Variants in XRCC5 observed in about 807,000 individuals in gnomAD.
XRCC5 encodes the protein DNA repair protein Ku80.
In XRCC5, 12 loss-of-function variants were observed where a neutral mutation model predicts 95.7. The observed-to-expected ratio is 0.13, with a 90% CI of 0.08 to 0.20. The LOEUF is 0.20. Ranked by LOEUF, XRCC5 falls within the 10% of genes least tolerant of loss-of-function variation. The pLI is 1.00. For synonymous variants in XRCC5, 281 were observed against 290.3 expected, an observed-to-expected ratio of 0.97 and a Z score of 0.33; for missense variants, 595 against 873.9, an observed-to-expected ratio of 0.68 and a Z score of 4.02.
chr2:216,159,384 C>A (rs207911), intron 14 of XRCC5, among the ~76,000 whole-genome samples: 38,830 of 152,142 alleles, frequency 0.26, 6,103 homozygotes, highest in Non-Finnish European at 0.36. Context: ...TTGCTTGAGG[C>A]AAGATGTTTG....
intron 6 of XRCC5, 44 bp from the exon 7 acceptor site, chr2:216,125,873 C>T (rs1250509285): frequency 4.1e-6 from 6 of 1,472,774 alleles, no homozygotes; most frequent in African/African-American, 1.4e-5. Flanking sequence ...CACAAGTTAA[C>T]ATTTAAAAAT....
intron 10 of XRCC5, among the ~76,000 whole-genome samples, 188 bp downstream of exon 10, chr2:216,132,575 C>A (rs1445613599): frequency 6.6e-6 from 1 of 152,074 alleles, no homozygotes; most frequent in Non-Finnish European, 1.5e-5. Flanking sequence ...AGCACAAGAC[C>A]CGAGGACATG....
At chr2:216,132,268 C>T in intron 9 of XRCC5, 57 bp from the exon 10 acceptor site, 1 of 1,533,436 alleles carries the variant, frequency 6.5e-7, no homozygotes, top group Non-Finnish European at 9.0e-7. Context: ...CAATGTGTGT[C>T]ATGGTTATAC....
In XRCC5 at chr2:216,192,714, T is replaced by C. The variant is rs760113257; in HGVS notation, c.2020T>C (p.Phe674Leu). Residue 674 changes from phenylalanine to leucine, a missense_variant, in exon 18 of 21, where the codon TTC (phenylalanine) becomes CTC (leucine). Physicochemically the swap from Phe to Leu is conservative, Grantham distance 22 (BLOSUM62 0). Around this residue, in one of 2 missense-constraint regions of XRCC5, gnomAD observed 309 missense variants for 382.9 expected, o/e 0.81. Coordinates refer to ENST00000392132, the MANE Select transcript of XRCC5 (RefSeq NM_021141.4). ...EKVEIKQLNH[F>L]WEIVVQDGIT... ...AGTGGAAATTAAACAATTAAATCAT[T>C]TCTGGGAAATTGTTGTCCAGGGTAA... 2 of 1,594,496 alleles carry C rather than the reference T, an allele frequency of 1.3e-6. No homozygotes were observed. The highest frequency in any genetic ancestry group is 1.7e-5 in the Admixed American group (1 of 58,068).
intron 16 of XRCC5, among the ~76,000 whole-genome samples, chr2:216,168,117 C>G (rs1298400196): frequency 1.3e-5 from 2 of 152,164 alleles, no homozygotes; most frequent in Admixed American, 6.5e-5. Flanking sequence ...AGAATACTTG[C>G]TGAAAGGGTG....
At chr2:216,152,881 A>C (rs1688770899) in intron 14 of XRCC5, among the ~76,000 whole-genome samples, 1 of 151,884 alleles carries the variant, frequency 6.6e-6, no homozygotes, top group Non-Finnish European at 1.5e-5. Context: ...TTTCTGCTTC[A>C]TCTGGTACCT....
In XRCC5 at chr2:216,127,576, A is replaced by C. The variant is rs1696918427; in HGVS notation, c.839A>C (p.Asp280Ala). 6.2e-7 allele frequency: 1 copy of C among 1,612,118 alleles called. No individual in the cohort carries two copies. Among genetic ancestry groups the C allele is most frequent in the Admixed American group, 1.7e-5 (1 of 59,570 alleles). Residue 280 changes from aspartate (D) to alanine (A), a missense_variant, in exon 8 of 21, where the codon GAT (aspartate) becomes GCT (alanine). By Grantham distance (126) the Asp-to-Ala change is moderately radical (BLOSUM62 -2). Transcript: ENST00000392132. ...GTTAAAAAGACTTGGACAGTTGTGG[A>C]TGCAAAAACCCTAAAAAAAGAAGAT... ...ERVKKTWTVV[D>A]AKTLKKEDIQ... is the part of the protein sequence containing the mutation.
intron 14 of XRCC5, among the ~76,000 whole-genome samples, chr2:216,152,988 A>T (rs1574468498): frequency 6.6e-6 from 1 of 152,126 alleles, no homozygotes; most frequent in Non-Finnish European, 1.5e-5. Flanking sequence ...TCTTTCATTT[A>T]ACACAAAATA....
At position 216,123,128 on chromosome 2, in the gene XRCC5, C is replaced by A. The variant is rs968592220; in HGVS notation, c.683+875C>A. Among the ~76,000 whole-genome samples the A allele has an allele frequency of 6.6e-4, 101 of 152,266 alleles. 1 individual carries two copies. Among genetic ancestry groups the A allele is most frequent in the African/African-American group, 2.0e-3 (83 of 41,542 alleles). Reference sequence around the variant, plus strand: ...CTTGATATTCTTGAATTATTTCCAGCTTATCAGTCTGTACACAAAATACTG... The same window carrying A: ...CTTGATATTCTTGAATTATTTCCAGATTATCAGTCTGTACACAAAATACTG... On this transcript the variant is annotated intron_variant, in intron 6 of 20. Transcript: ENST00000392132.
chr2:216,198,155 T>G (rs1274327062), intron 19 of XRCC5, among the ~76,000 whole-genome samples: 1 of 152,206 alleles, frequency 6.6e-6, no homozygotes, highest in African/African-American at 2.4e-5. Context: ...AGCAAGAGGA[T>G]TAAAATGCAC....
chr2:216,133,166 G>A (rs972914525), intron 10 of XRCC5, among the ~76,000 whole-genome samples: 1 of 152,088 alleles, frequency 6.6e-6, no homozygotes, highest in Non-Finnish European at 1.5e-5. Flanking sequence ...AACAGTTAAG[G>A]GAAGAAAATG....
chr2:216,146,462 T>C lies in XRCC5; in HGVS notation c.1477-1621T>C, dbSNP rs572223842. Among the ~76,000 whole-genome samples, 5 of 148,654 alleles carry C rather than the reference T, an allele frequency of 3.4e-5. No individual in the cohort carries two copies. The South Asian group carries it at 1.0e-3, about 31-fold the overall frequency. ...TGTGATAGGAGCAGTATTTTGAAAT[T>C]ACAGGAGCTCTTCAGCTCCCTGGTG... On this transcript the variant is annotated intron_variant, in intron 13 of 20. Coordinates refer to ENST00000392132, the MANE Select transcript of XRCC5 (RefSeq NM_021141.4).
rs1221814684 is a variant in XRCC5 at position 216,190,860 on chromosome 2, C to T, written c.1944+526C>T. 3.3e-5 allele frequency among the ~76,000 whole-genome samples: 5 copies of T among 152,158 alleles called. No homozygotes were observed. The South Asian group carries it at 1.0e-3, about 31-fold the overall frequency. On this transcript the variant is annotated intron_variant, in intron 17 of 20. Transcript: ENST00000392132. ...GAATTCTTAGAAAATATTTCTAAAA[C>T]TTTTCCAAATTATGTATAGGCTTTT... is the stretch of plus-strand genomic sequence containing the variant.
intron 7 of XRCC5, among the ~76,000 whole-genome samples, chr2:216,127,172 G>A (rs1482223803): frequency 2.0e-5 from 3 of 152,178 alleles, no homozygotes; most frequent in East Asian, 3.9e-4. Flanking sequence ...CCCGGGAGGC[G>A]GAGGTTGCAG....
intron 5 of XRCC5, among the ~76,000 whole-genome samples, chr2:216,121,399 A>T (rs965849695): frequency 3.3e-5 from 5 of 152,258 alleles, no homozygotes; most frequent in African/African-American, 1.2e-4. Flanking sequence ...GGGAAGTCCA[A>T]GATCACAGCA....
In XRCC5 at chr2:216,123,961, A is replaced by G. The variant is rs1336106796; in HGVS notation, c.683+1708A>G. Among the ~76,000 whole-genome samples, 5 of 152,360 alleles carry G rather than the reference A, an allele frequency of 3.3e-5. No individual in the cohort carries two copies. The East Asian group carries it at 9.6e-4, about 29-fold the overall frequency. ...CTACTTTGATTTTAGGTCTGCCATG[A>G]AGGTGTAGACCAGAACTTTGCCATC... is the stretch of plus-strand genomic sequence containing the variant. On this transcript the variant is annotated intron_variant, in intron 6 of 20. Coordinates refer to ENST00000392132, the MANE Select transcript of XRCC5 (RefSeq NM_021141.4).
chr2:216,114,086 A>G (rs996303327), intron 2 of XRCC5, among the ~76,000 whole-genome samples: 1 of 152,230 alleles, frequency 6.6e-6, no homozygotes, highest in Non-Finnish European at 1.5e-5. Flanking sequence ...AAATGAGAAT[A>G]ATGATACCTG....
chr2:216,184,074 G>GTGTGTGTGTGTGT (rs1559260002), intron 16 of XRCC5, among the ~76,000 whole-genome samples: 3 of 133,384 alleles, frequency 2.2e-5, no homozygotes, highest in South Asian at 2.3e-4. Context: ...GTGTGTGTGT[G>GTGTGTGTGTGTGT]ATTTAGAGAA....
chr2:216,175,349 C>T (rs1689252922), intron 16 of XRCC5: 4 of 473,680 alleles, frequency 8.4e-6, no homozygotes, highest in South Asian at 6.4e-5. Context: ...ACTTGCACCA[C>T]TTCCAGAGTT....
Sources: allele counts gnomAD v4.1 joint callset (sites outside exome capture counted in the v4.1 genomes callset), GRCh38; gene constraint gnomAD v4.1.1; regional missense constraint gnomAD v4.1.1; transcripts MANE v1.5; gene names NCBI Gene and HGNC (gene_info 2026-07-23, HGNC 2026-07-21).